The following MCM9 variants were observed in gnomAD, a reference collection of about 807,000 sequenced individuals.
MCM9 encodes the protein minichromosome maintenance 9 homologous recombination repair factor.
MCM9 carries 55 observed loss-of-function variants against 72.8 expected under a neutral mutation model. The observed-to-expected ratio is 0.76, with a 90% CI of 0.61 to 0.95. The LOEUF is 0.95. Ranked by LOEUF, MCM9 falls within the 40% of genes least tolerant of loss-of-function variation. MCM9 has a pLI of 0.00. For synonymous variants in MCM9, 480 were observed against 503.4 expected (o/e 0.95, Z 0.62); for missense variants, 1,279 against 1,377.0 (o/e 0.93, Z 1.13).
At chr6:118,886,006 C>T (rs905829958) in intron 8 of MCM9, among the ~76,000 whole-genome samples, 31 of 151,044 alleles carry the variant, frequency 2.1e-4, no homozygotes, top group African/African-American at 7.1e-4. Context: ...GTTCATTTAA[C>T]ACCTGAAAAA....
chr6:118,866,119 C>T (rs1247649131), intron 8 of MCM9, among the ~76,000 whole-genome samples: 1 of 152,218 alleles, frequency 6.6e-6, no homozygotes, highest in African/African-American at 2.4e-5. Context: ...GAACATGGCA[C>T]ATCTTAAGCT....
In MCM9 at chr6:118,893,912, G is replaced by C. The variant is rs1489676166; in HGVS notation, c.1150+17738C>G. On this transcript the variant is annotated intron_variant, in intron 8 of 13. Transcript: ENST00000619706. ...CAACTGGAGGGGCGGGCGTCGGCCGGATCGCGCCCTCCCGCCGCAGCCACG... is the reference window on the plus strand; with the variant it reads ...CAACTGGAGGGGCGGGCGTCGGCCGCATCGCGCCCTCCCGCCGCAGCCACG... The C allele has an allele frequency of 2.0e-5, 11 of 549,586 alleles. No homozygotes were observed. In the South Asian group the frequency reaches 2.5e-4, roughly 12 times the overall value. 34.0% of individuals were successfully genotyped at this position (549,586 alleles called of 1,614,324 possible). A position where few individuals can be genotyped will look rare whatever the true frequency, so the allele number is the denominator to read the frequency against.
chr6:118,901,156 G>A (rs531137536), intron 8 of MCM9: 64 of 240,562 alleles, frequency 2.7e-4, no homozygotes, highest in Non-Finnish European at 4.7e-4. Context: ...GGCACACAGG[G>A]TGGTGAATTT....
intron 8 of MCM9, among the ~76,000 whole-genome samples, chr6:118,884,723 G>C (rs990259313): frequency 6.6e-6 from 1 of 152,142 alleles, no homozygotes; most frequent in Admixed American, 6.5e-5. Context: ...AAAGTAAAAG[G>C]ATGGAAAAAC....
chr6:118,885,504 A>T (rs1187225053), intron 8 of MCM9, among the ~76,000 whole-genome samples: 2 of 152,230 alleles, frequency 1.3e-5, no homozygotes, highest in Non-Finnish European at 2.9e-5. Context: ...TTGACTTTAC[A>T]GAAGTCAAAA....
intron 3 of MCM9, among the ~76,000 whole-genome samples, chr6:118,928,227 A>G (rs1782062512): frequency 6.6e-6 from 1 of 152,156 alleles, no homozygotes; most frequent in African/African-American, 2.4e-5. Flanking sequence ...GCTGGCCAAC[A>G]TCGTGAAACC....
At chr6:118,843,658 G>GTC (rs1222792710) in intron 9 of MCM9, among the ~76,000 whole-genome samples, 1 of 21,592 alleles carries the variant, frequency 4.6e-5, no homozygotes, top group East Asian at 2.0e-3. Context: ...ATATATATGT[G>GTC]TATATATATA....
At chr6:118,919,636 A>G (rs1440938262) in intron 5 of MCM9, 1 of 152,238 alleles carries the variant, frequency 6.6e-6, no homozygotes, top group Non-Finnish European at 1.5e-5. Context: ...TGAGGTATAC[A>G]TGATAGTCCA....
intron 8 of MCM9, among the ~76,000 whole-genome samples, chr6:118,865,614 G>C (rs1468321634): frequency 6.6e-6 from 1 of 152,182 alleles, no homozygotes; most frequent in Non-Finnish European, 1.5e-5. Context: ...GCACTGGGGA[G>C]CTAACAGGGC....
At chr6:118,868,540 C>A (rs1400862931) in intron 8 of MCM9, among the ~76,000 whole-genome samples, 1 of 152,008 alleles carries the variant, frequency 6.6e-6, no homozygotes, top group Non-Finnish European at 1.5e-5. Flanking sequence ...GGGCTAATAT[C>A]CAGAATCTAC....
At chr6:118,870,731 G>A (rs1303597069) in intron 8 of MCM9, among the ~76,000 whole-genome samples, 2 of 151,834 alleles carry the variant, frequency 1.3e-5, no homozygotes, top group African/African-American at 2.4e-5. Context: ...TTAGCTACAC[G>A]AGGAAAAAGA....
At chr6:118,896,056 TTA>T (rs1434321973) in intron 8 of MCM9, among the ~76,000 whole-genome samples, 1 of 150,852 alleles carries the variant, frequency 6.6e-6, no homozygotes, top group South Asian at 2.1e-4. Context: ...TTTTTTTTTT[TTA>T]AACCTATATA....
At chr6:118,825,881 G>A (rs1774136161) in intron 13 of MCM9, among the ~76,000 whole-genome samples, 2 of 152,110 alleles carry the variant, frequency 1.3e-5, no homozygotes, top group East Asian at 1.9e-4. Flanking sequence ...TCCCCACCGA[G>A]CCTGCCTGAA....
At chr6:118,878,901 A>G (rs1339860349) in intron 8 of MCM9, among the ~76,000 whole-genome samples, 7 of 152,200 alleles carry the variant, frequency 4.6e-5, no homozygotes, top group African/African-American at 1.2e-4. Flanking sequence ...TACTAAAAAT[A>G]CAAAAATTAG....
chr6:118,858,909 T>G (rs548322119), intron 8 of MCM9, among the ~76,000 whole-genome samples: 1 of 152,160 alleles, frequency 6.6e-6, no homozygotes, highest in African/African-American at 2.4e-5. Context: ...CATGATTTTT[T>G]AAAAAATAAA....
chr6:118,855,363 C>G (rs1344936765), intron 9 of MCM9, among the ~76,000 whole-genome samples: 1 of 152,126 alleles, frequency 6.6e-6, no homozygotes, highest in African/African-American at 2.4e-5. Context: ...ACCTGAAGGA[C>G]AATGTTCTAT....
chr6:118,820,107 G>C (rs1007322374), intron 13 of MCM9, among the ~76,000 whole-genome samples: 4 of 151,838 alleles, frequency 2.6e-5, no homozygotes, highest in Admixed American at 2.6e-4. Context: ...AGGGTTTTTC[G>C]TGTCTCTATC....
chr6:118,855,540 C>T (rs766901732), intron 9 of MCM9, among the ~76,000 whole-genome samples: 11 of 152,096 alleles, frequency 7.2e-5, no homozygotes, highest in Non-Finnish European at 1.2e-4. Context: ...CCTCACTCCT[C>T]CATTAATTTT....
At chr6:118,819,469 C>T (rs143817971) in intron 13 of MCM9, among the ~76,000 whole-genome samples, 1 of 152,152 alleles carries the variant, frequency 6.6e-6, no homozygotes, top group Non-Finnish European at 1.5e-5. Context: ...AGAGATGAAG[C>T]TGACTTGAAC....
Sources: gnomAD v4.1 joint callset for allele counts (sites outside exome capture counted in the v4.1 genomes callset) on GRCh38, gnomAD v4.1.1 for gene constraint, MANE v1.5 for transcripts, NCBI Gene and HGNC (gene_info 2026-07-23, HGNC 2026-07-21) for gene names.